MS4A6E: variants seen among roughly 807,000 people sequenced by gnomAD.
The protein encoded by MS4A6E is membrane spanning 4-domains A6E, also known as membrane-spanning 4-domains subfamily A member 6E.
Under a neutral mutation model 13.2 loss-of-function variants are expected in MS4A6E, and 8 were observed. That is an observed-to-expected ratio of 0.60 (90% CI 0.35 to 1.09). The LOEUF is 1.09. Ranked by LOEUF, MS4A6E falls within the 50% of genes least tolerant of loss-of-function variation. MS4A6E has a pLI of 0.02. For synonymous variants in MS4A6E, 72 were observed against 67.6 expected (o/e 1.06, Z -0.32); for missense variants, 177 against 171.1 (o/e 1.03, Z -0.19).
intron 1 of MS4A6E, among the ~76,000 whole-genome samples, chr11:60,329,812 A>T (rs1248749213): frequency 1.4e-5 from 2 of 143,492 alleles, no homozygotes; most frequent in African/African-American, 5.1e-5. Flanking sequence ...GTCTGTTCAT[A>T]TCCTTCACCC....
At chr11:60,338,497 C>T (rs1484091439) in intron 3 of MS4A6E, 2 of 152,506 alleles carry the variant, frequency 1.3e-5, no homozygotes, top group Non-Finnish European at 2.9e-5. Context: ...ATTATTATTG[C>T]TTTTTGTTAT....
intron 3 of MS4A6E, among the ~76,000 whole-genome samples, chr11:60,339,107 C>G (rs1183301993): frequency 6.6e-6 from 1 of 152,134 alleles, no homozygotes; most frequent in East Asian, 1.9e-4. Flanking sequence ...TACCACAAAA[C>G]AAAAGTTCAT....
At position 60,335,043 on chromosome 11, in the gene MS4A6E, GTAAA is replaced by G; in HGVS notation, c.147+3_147+6del. 6.2e-7 allele frequency: 1 copy of G among 1,614,000 alleles called. No individual in the cohort carries two copies. The highest frequency in any genetic ancestry group is 8.5e-7 in the Non-Finnish European group (1 of 1,179,948). On this transcript the variant is annotated splice_donor_variant and splice_donor_5th_base_variant and intron_variant, in intron 2 of 4. Transcript: ENST00000684409. LOFTEE classifies it high-confidence loss of function. ...ACAGGCAAAAGTCAAAGTTATTGGGGTAAATCTAATTCAGAACATGTTGGAGAGG... is the reference window on the plus strand; with the variant it reads ...ACAGGCAAAAGTCAAAGTTATTGGGGTCTAATTCAGAACATGTTGGAGAGG...
At chr11:60,327,707 G>T (rs2085128527) in intron 1 of MS4A6E, among the ~76,000 whole-genome samples, 1 of 152,066 alleles carries the variant, frequency 6.6e-6, no homozygotes, top group African/African-American at 2.4e-5. Flanking sequence ...TTCTGATGTG[G>T]TGTCAGATGA....
Position 60,339,564 on chromosome 11 carries a change from C to T in MS4A6E, c.355-302C>T, listed in dbSNP as rs149511394. 7.2e-5 allele frequency among the ~76,000 whole-genome samples: 11 copies of T among 152,300 alleles called. No individual in the cohort carries two copies. The East Asian group carries it at 1.7e-3, about 24-fold the overall frequency. ...CTGGGAGCTATTACGCCACTCTGCT[C>T]TCTTACTGAGTGAACAATGTCATCA... On this transcript the variant is annotated intron_variant, in intron 3 of 4. Coordinates refer to ENST00000684409, the MANE Select transcript of MS4A6E (RefSeq NM_139249.4).
chr11:60,330,335 CT>C (rs71036576), intron 1 of MS4A6E, among the ~76,000 whole-genome samples: 10,527 of 60,286 alleles, frequency 0.17, 470 homozygotes, highest in Non-Finnish European at 0.2. Flanking sequence ...AATTTTGGCT[CT>C]TTTTTTTTTT....
Position 60,327,384 on chromosome 11 carries a change from T to G in MS4A6E, c.-39T>G, listed in dbSNP as rs983499719. ...AGATGCTGAACCTGTGGCACCTTGATCGTGGACTTCTCAGTTCCAAAACTG... is the reference window on the plus strand; with the variant it reads ...AGATGCTGAACCTGTGGCACCTTGAGCGTGGACTTCTCAGTTCCAAAACTG... On this transcript the variant is annotated 5_prime_UTR_variant, in exon 1 of 5. Coordinates refer to ENST00000684409, the MANE Select transcript of MS4A6E (RefSeq NM_139249.4). Among the ~76,000 whole-genome samples the G allele has an allele frequency of 2.0e-5, 3 of 152,220 alleles. No individual in the cohort carries two copies. The South Asian group carries it at 6.2e-4, about 32-fold the overall frequency.
At chr11:60,347,780 C>T (rs1196491926) in intron 4 of MS4A6E, among the ~76,000 whole-genome samples, 4 of 152,068 alleles carry the variant, frequency 2.6e-5, no homozygotes, top group East Asian at 1.9e-4. Context: ...AAGGAATGGG[C>T]TTAGTCATGC....
chr11:60,338,067 C>A, intron 3 of MS4A6E, 120 bp downstream of exon 3: 1 of 952,738 alleles, frequency 1.0e-6, no homozygotes, highest in Non-Finnish European at 1.6e-6. Context: ...TGGAGGAAGG[C>A]CAAGGTTATG....
downstream of MS4A6E, among the ~76,000 whole-genome samples, chr11:60,342,640 C>T (rs901391882): frequency 5.3e-5 from 8 of 152,056 alleles, no homozygotes; most frequent in African/African-American, 9.7e-5. Context: ...TCCACCTGGC[C>T]GGCACCATAT....
At chr11:60,342,176 TGTGAGAGAGAGAGA>T (rs1279546702), downstream of MS4A6E, among the ~76,000 whole-genome samples, 3 of 37,792 alleles carry the variant, frequency 7.9e-5, no homozygotes, top group African/African-American at 2.9e-4. Flanking sequence ...TGTGTGTGTG[TGTGAGAGAGAGAGA>T]GAGAGAGAGA....
chr11:60,335,968 T>C (rs1046645991), intron 2 of MS4A6E, among the ~76,000 whole-genome samples: 4 of 151,192 alleles, frequency 2.6e-5, no homozygotes, highest in African/African-American at 9.7e-5. Flanking sequence ...GGGTGGAGGG[T>C]GGGAGGAGGG....
Position 60,337,788 on chromosome 11 carries a change from G to T in MS4A6E, c.195G>T (p.Leu65=), listed in dbSNP as rs565096221. The change falls in exon 3 of 5, where the codon CTG becomes CTT. Residue 65 remains leucine, a synonymous_variant. Transcript: ENST00000684409. ...AGSILSALSA[L]VGFILLSVNP... ...GCATTCTGAGTGCTCTGTCTGCCCT[G>T]GTGGGTTTCATTCTCCTGTCTGTCA... 6.2e-7 allele frequency: 1 copy of T among 1,614,114 alleles called. No individual in the cohort carries two copies. Among genetic ancestry groups the T allele is most frequent in the South Asian group, 1.1e-5 (1 of 91,078 alleles).
downstream of MS4A6E, among the ~76,000 whole-genome samples, chr11:60,342,039 G>T (rs61447786): frequency 0.04 from 6,145 of 152,196 alleles, 191 homozygotes; most frequent in African/African-American, 0.084. Flanking sequence ...TGAAGTTAGG[G>T]ATTTCGCTAA....
intron 1 of MS4A6E, among the ~76,000 whole-genome samples, chr11:60,328,617 T>G (rs2085134835): frequency 6.6e-6 from 1 of 151,856 alleles, no homozygotes; most frequent in African/African-American, 2.4e-5. Context: ...TGGAAGATAC[T>G]GGAGAAACTT....
At chr11:60,343,837 C>A (rs1056423280), downstream of MS4A6E, among the ~76,000 whole-genome samples, 6 of 152,164 alleles carry the variant, frequency 3.9e-5, no homozygotes, top group African/African-American at 1.4e-4. Flanking sequence ...GCTCTCTCAG[C>A]TTTCCAGGCT....
intron 4 of MS4A6E, among the ~76,000 whole-genome samples, chr11:60,347,524 A>G (rs2085261542): frequency 6.6e-6 from 1 of 151,354 alleles, no homozygotes; most frequent in Non-Finnish European, 1.5e-5. Flanking sequence ...TCTAGAATGC[A>G]CTCAAGAGGA....
chr11:60,348,692 A>C (rs2085266421), intron 4 of MS4A6E, among the ~76,000 whole-genome samples: 1 of 152,246 alleles, frequency 6.6e-6, no homozygotes, highest in Non-Finnish European at 1.5e-5. Context: ...AACCTCTTCC[A>C]GCCCCATGCA....
chr11:60,336,116 G>C (rs551591972), intron 2 of MS4A6E, among the ~76,000 whole-genome samples: 2 of 152,268 alleles, frequency 1.3e-5, no homozygotes, highest in East Asian at 3.9e-4. Context: ...TTGGTATTTA[G>C]AGATTATTGT....
Sources: gnomAD v4.1 joint callset for allele counts (sites outside exome capture counted in the v4.1 genomes callset) on GRCh38, gnomAD v4.1.1 for gene constraint, MANE v1.5 for transcripts, NCBI Gene and HGNC (gene_info 2026-07-23, HGNC 2026-07-21) for gene names.